The following FUT8 variants were observed in gnomAD, a reference collection of about 807,000 sequenced individuals.
FUT8 encodes alpha-(1,6)-fucosyltransferase.
A neutral mutation model predicts 71.3 loss-of-function variants in FUT8; 29 were observed. The ratio of observed to expected loss-of-function variants is 0.41; its 90% confidence interval spans 0.30 to 0.55. The LOEUF is 0.55. Among genes scored for constraint, FUT8 ranks in the 20% least tolerant of loss-of-function variants. FUT8 has a pLI of 0.34. For synonymous variants in FUT8, 254 were observed against 239.3 expected, an observed-to-expected ratio of 1.06 and a Z score of -0.57; for missense variants, 544 against 702.1, an observed-to-expected ratio of 0.77 and a Z score of 2.55.
chr14:65,619,462 G>T (rs1461034272), intron 5 of FUT8, among the ~76,000 whole-genome samples: 1 of 152,076 alleles, frequency 6.6e-6, no homozygotes, highest in African/African-American at 2.4e-5. Context: ...CAGCCTGGGG[G>T]CCAAATATCA....
intron 2 of FUT8, among the ~76,000 whole-genome samples, chr14:65,499,670 T>A (rs1178379774): frequency 6.6e-6 from 1 of 151,778 alleles, no homozygotes; most frequent in African/African-American, 2.4e-5. Context: ...AAACTTAGGC[T>A]GGTGCGGTGG....
rs1365044457 is a variant in FUT8 at position 65,625,095 on chromosome 14, A to AAATAAATG, written c.483-4394_483-4393insAAATGAAT. 5.3e-5 allele frequency among the ~76,000 whole-genome samples: 8 copies of AAATAAATG among 151,716 alleles called. No homozygotes were observed. In the South Asian group the frequency reaches 1.0e-3, roughly 20 times the overall value. On this transcript the variant is annotated intron_variant, in intron 5 of 10. Transcript: ENST00000673929. ...TAAATAAATAAATAAATAAATAAAT[A>AAATAAATG]AATGTAAAGTTGAGACTTGCAACAA... is the stretch of plus-strand genomic sequence containing the variant.
At chr14:65,569,025 A>G (rs1360369993) in intron 3 of FUT8, among the ~76,000 whole-genome samples, 1 of 151,856 alleles carries the variant, frequency 6.6e-6, no homozygotes, top group Non-Finnish European at 1.5e-5. Context: ...TTACTTTAGC[A>G]GTAATTTTTA....
At chr14:65,395,703 G>A in the FUT8 span, among the ~76,000 whole-genome samples, 1 of 152,236 alleles carries the variant, frequency 6.6e-6, no homozygotes, top group Non-Finnish European at 1.5e-5. Context: ...TGATGGGAGG[G>A]GCTGCCACAG....
At chr14:65,613,235 C>A (rs1208577803) in intron 3 of FUT8, among the ~76,000 whole-genome samples, 3 of 152,032 alleles carry the variant, frequency 2.0e-5, no homozygotes, top group Admixed American at 1.3e-4. Flanking sequence ...AAAGGAGAAC[C>A]TAGACATAAT....
chr14:65,692,481 C>T (rs1198480196), intron 7 of FUT8, among the ~76,000 whole-genome samples: 2 of 79,816 alleles, frequency 2.5e-5, no homozygotes, highest in East Asian at 4.2e-4. Flanking sequence ...CCCTCCCAGA[C>T]GGGGCGGCTG....
the FUT8 span, among the ~76,000 whole-genome samples, chr14:65,390,169 TA>T: frequency 2.0e-5 from 3 of 150,202 alleles, no homozygotes. Context: ...AAAATAAAAA[TA>T]AAAAATAATA....
rs988877948 is a variant in FUT8 at position 65,607,133 on chromosome 14, G to A, written c.204-8845G>A. On this transcript the variant is annotated intron_variant, in intron 3 of 10. Coordinates refer to ENST00000673929, the MANE Select transcript of FUT8 (RefSeq NM_001371533.1). This position sits in a 1 kb window ranked among gnomAD's most constrained non-coding sequence, Gnocchi z 4.1. ...ATTATCTTGGATTTTCTGTATTAAAGTTTATATTATCTGAATAACATTTGT... is the reference window on the plus strand; with the variant it reads ...ATTATCTTGGATTTTCTGTATTAAAATTTATATTATCTGAATAACATTTGT... 1.3e-5 allele frequency among the ~76,000 whole-genome samples: 2 copies of A among 151,798 alleles called. No individual in the cohort carries two copies. The highest frequency in any genetic ancestry group is 4.8e-5 in the African/African-American group (2 of 41,394).
chr14:65,719,146 T>C (rs1394332644), intron 7 of FUT8, among the ~76,000 whole-genome samples: 1 of 152,152 alleles, frequency 6.6e-6, no homozygotes, highest in African/African-American at 2.4e-5. Flanking sequence ...TGCTTCATTG[T>C]TTTTCATTCT....
intron 2 of FUT8, among the ~76,000 whole-genome samples, chr14:65,547,552 A>G (rs1885049984): frequency 6.6e-6 from 1 of 151,790 alleles, no homozygotes. Context: ...CATATATTTA[A>G]CATGTCTGTT....
the FUT8 span, among the ~76,000 whole-genome samples, chr14:65,383,265 C>CTTTTTTTTTTTTTTTTTTTTTTTTTT: frequency 1.2e-5 from 1 of 86,512 alleles, no homozygotes; most frequent in Non-Finnish European, 2.3e-5. Context: ...TTTTTCTTTT[C>CTTTTTTTTTTTTTTTTTTTTTTTTTT]TTTTTTTTTT....
chr14:65,570,506 C>T (rs572402477), intron 3 of FUT8, among the ~76,000 whole-genome samples: 15 of 151,972 alleles, frequency 9.9e-5, no homozygotes, highest in African/African-American at 3.6e-4. Flanking sequence ...CTTATAACTA[C>T]ATATACTCCT....
chr14:65,673,161 T>C (rs1453105145), intron 7 of FUT8, among the ~76,000 whole-genome samples: 1 of 152,278 alleles, frequency 6.6e-6, no homozygotes, highest in Non-Finnish European at 1.5e-5. Flanking sequence ...TTTAAATACA[T>C]GTTTAGGTAG....
chr14:65,730,214 C>T (rs1895905342), intron 9 of FUT8, among the ~76,000 whole-genome samples: 1 of 152,176 alleles, frequency 6.6e-6, no homozygotes, highest in Non-Finnish European at 1.5e-5. Context: ...GTATAGTGTT[C>T]ACACAGTCAG....
chr14:65,446,646 G>A (rs1255543461), intron 1 of FUT8, among the ~76,000 whole-genome samples: 2 of 140,594 alleles, frequency 1.4e-5, no homozygotes, highest in African/African-American at 2.6e-5. Flanking sequence ...TACTGAAATT[G>A]TTACATCTAA....
chr14:65,717,677 G>A (rs555126294), intron 7 of FUT8, among the ~76,000 whole-genome samples: 145 of 143,236 alleles, frequency 1.0e-3, no homozygotes, highest in East Asian at 2.7e-3. Context: ...CAGACGGGGC[G>A]GCTGGGCAGA....
At chr14:65,717,297 T>C (rs1420754883) in intron 7 of FUT8, among the ~76,000 whole-genome samples, 1 of 15,992 alleles carries the variant, frequency 6.3e-5, no homozygotes, top group Non-Finnish European at 1.2e-4. Flanking sequence ...TCCCAGACGA[T>C]GGGCGGCCGG....
intron 2 of FUT8, among the ~76,000 whole-genome samples, chr14:65,512,737 C>G (rs894631984): frequency 1.4e-4 from 21 of 151,638 alleles, no homozygotes; most frequent in African/African-American, 4.8e-4. Flanking sequence ...GGTGAAACCC[C>G]GTCTCTATTA....
At chr14:65,675,712 G>A (rs1436271195) in intron 7 of FUT8, among the ~76,000 whole-genome samples, 6 of 152,230 alleles carry the variant, frequency 3.9e-5, no homozygotes, top group South Asian at 4.1e-4. Context: ...AAGAGAGGCC[G>A]GGCGCGGTGG....
Sources: allele counts gnomAD v4.1 joint callset (sites outside exome capture counted in the v4.1 genomes callset), GRCh38; gene constraint gnomAD v4.1.1; non-coding constraint Gnocchi (gnomAD v3.1); transcripts MANE v1.5; gene names NCBI Gene and HGNC (gene_info 2026-07-23, HGNC 2026-07-21).